ELAVL2: variants seen among roughly 807,000 people sequenced by gnomAD.
ELAVL2 encodes the protein ELAV like RNA binding protein 2, also known as ELAV-like protein 2.
A neutral mutation model predicts 34.6 loss-of-function variants in ELAVL2; 4 were observed. The observed-to-expected ratio is 0.12, with a 90% CI of 0.06 to 0.26. The LOEUF (loss-of-function observed/expected upper bound fraction) is 0.26, where lower values mean the gene tolerates loss of function less well. Among genes scored for constraint, ELAVL2 ranks in the 10% least tolerant of loss-of-function variants. The pLI is 1.00. For synonymous variants in ELAVL2, 193 were observed against 154.8 expected (o/e 1.25, Z -1.83); for missense variants, 432 against 442.8 (o/e 0.98, Z 0.22).
intron 1 of ELAVL2, among the ~76,000 whole-genome samples, chr9:23,784,701 C>G (rs1672540589): frequency 6.6e-6 from 1 of 152,214 alleles, no homozygotes; most frequent in African/African-American, 2.4e-5. Context: ...AACCCAGAGG[C>G]TGGCTCAGTG....
chr9:23,711,294 T>C (rs2040877779), intron 3 of ELAVL2, among the ~76,000 whole-genome samples: 2 of 152,238 alleles, frequency 1.3e-5, no homozygotes, highest in Admixed American at 6.5e-5. Flanking sequence ...CCTTAAATTT[T>C]ATCGTGACTG....
chr9:23,732,820 T>C (rs1296835059), intron 2 of ELAVL2, among the ~76,000 whole-genome samples: 2 of 152,138 alleles, frequency 1.3e-5, no homozygotes, highest in African/African-American at 4.8e-5. Context: ...ACGAGGGTAA[T>C]TCCTACCCAA....
At chr9:23,698,437 T>A (rs1025809638) in intron 5 of ELAVL2, among the ~76,000 whole-genome samples, 1 of 152,218 alleles carries the variant, frequency 6.6e-6, no homozygotes, top group African/African-American at 2.4e-5. Context: ...CATGGATTTT[T>A]AAGCTTTTTG....
At chr9:23,779,013 A>G (rs1344895609) in intron 1 of ELAVL2, among the ~76,000 whole-genome samples, 1 of 152,194 alleles carries the variant, frequency 6.6e-6, no homozygotes, top group Non-Finnish European at 1.5e-5. Flanking sequence ...GAGAAAGAAG[A>G]GGAGGGGCCA....
chr9:23,696,545 T>C (rs1363571891), intron 5 of ELAVL2, among the ~76,000 whole-genome samples: 2 of 152,222 alleles, frequency 1.3e-5, no homozygotes, highest in Admixed American at 6.5e-5. Context: ...CTCGGCTCAC[T>C]GCAAACTCTG....
intron 2 of ELAVL2, among the ~76,000 whole-genome samples, chr9:23,740,619 T>C (rs1236915034): frequency 6.6e-6 from 1 of 151,782 alleles, no homozygotes; most frequent in Non-Finnish European, 1.5e-5. Context: ...CAATTCTTTC[T>C]TAATCCATCC....
intron 5 of ELAVL2, among the ~76,000 whole-genome samples, chr9:23,695,856 C>T (rs1485009747): frequency 2.0e-5 from 3 of 152,104 alleles, no homozygotes; most frequent in Admixed American, 6.5e-5. Context: ...TTAACTGAAA[C>T]GTTATGTGAT....
chr9:23,740,181 T>A (rs58422217), intron 2 of ELAVL2, among the ~76,000 whole-genome samples: 1 of 152,132 alleles, frequency 6.6e-6, no homozygotes, highest in Non-Finnish European at 1.5e-5. Context: ...CCATTCCCAC[T>A]GCCCCATAAA....
intron 1 of ELAVL2, among the ~76,000 whole-genome samples, chr9:23,770,653 T>C (rs1414247787): frequency 1.3e-5 from 2 of 152,164 alleles, no homozygotes; most frequent in African/African-American, 4.8e-5. Context: ...CTCTAGGAGC[T>C]GCAAAAGGCA....
At chr9:23,706,859 A>G (rs976654263) in intron 3 of ELAVL2, among the ~76,000 whole-genome samples, 2 of 152,188 alleles carry the variant, frequency 1.3e-5, no homozygotes, top group African/African-American at 4.8e-5. Flanking sequence ...GGCTTTCCAG[A>G]AAAAAATATA....
Position 23,820,855 on chromosome 9 carries a change from T to C in ELAVL2, c.-16+4951A>G, listed in dbSNP as rs943301348. 2.6e-5 allele frequency among the ~76,000 whole-genome samples: 4 copies of C among 151,976 alleles called. 1 individual carries two copies. Among genetic ancestry groups the C allele is most frequent in the African/African-American group, 9.7e-5 (4 of 41,360 alleles). ...CCTCGCCCGGCAGAGCGCCCGCGCT[T>C]CCCGCGCAGCGCACGCCTCGCGCGC... On this transcript the variant is annotated intron_variant, in intron 1 of 6. Coordinates refer to ENST00000397312, the MANE Select transcript of ELAVL2 (RefSeq NM_004432.5).
At chr9:23,779,330 C>CA in intron 1 of ELAVL2, 2 of 985,426 alleles carry the variant, frequency 2.0e-6, no homozygotes, top group Non-Finnish European at 2.4e-6. Flanking sequence ...GGAACAAAGG[C>CA]AATTCCAGGG....
chr9:23,769,183 T>C (rs1476207291), intron 1 of ELAVL2, among the ~76,000 whole-genome samples: 1 of 152,056 alleles, frequency 6.6e-6, no homozygotes, highest in African/African-American at 2.4e-5. Flanking sequence ...TCTAAAGTTT[T>C]AGAGCCAAAC....
At chr9:23,723,535 G>A (rs2134175460) in intron 3 of ELAVL2, among the ~76,000 whole-genome samples, 1 of 151,478 alleles carries the variant, frequency 6.6e-6, no homozygotes, top group East Asian at 2.0e-4. Flanking sequence ...TGCACATTGT[G>A]CACATGTACC....
At chr9:23,764,431 A>C (rs1235577784) in intron 1 of ELAVL2, among the ~76,000 whole-genome samples, 1 of 152,174 alleles carries the variant, frequency 6.6e-6, no homozygotes, top group African/African-American at 2.4e-5. Context: ...TGTGCGCTGA[A>C]AATTACAGCA....
At chr9:23,769,202 CACAA>C (rs199697912) in intron 1 of ELAVL2, among the ~76,000 whole-genome samples, 3,499 of 152,162 alleles carry the variant, frequency 0.023, 212 homozygotes, top group Admixed American at 0.13. Context: ...ACATACAAAA[CACAA>C]ACAAACAAAC....
intron 3 of ELAVL2, among the ~76,000 whole-genome samples, chr9:23,706,809 T>TTTGAA (rs1259941723): frequency 6.6e-6 from 1 of 152,190 alleles, no homozygotes; most frequent in Non-Finnish European, 1.5e-5. Flanking sequence ...TTCCCCATAA[T>TTTGAA]TTGAATTGTG....
At chr9:23,848,319 T>A in the ELAVL2 span, among the ~76,000 whole-genome samples, 1 of 152,218 alleles carries the variant, frequency 6.6e-6, no homozygotes, top group Non-Finnish European at 1.5e-5. Context: ...TTCTTGCTAA[T>A]ACAAAGACAT....
At chr9:23,702,682 A>G (rs986757042) in intron 4 of ELAVL2, among the ~76,000 whole-genome samples, 1 of 152,000 alleles carries the variant, frequency 6.6e-6, no homozygotes, top group African/African-American at 2.4e-5. Context: ...CATTTTTTCC[A>G]CATATGCGTA....
Sources: gnomAD v4.1 joint callset for allele counts (sites outside exome capture counted in the v4.1 genomes callset) on GRCh38, gnomAD v4.1.1 for gene constraint, MANE v1.5 for transcripts, NCBI Gene and HGNC (gene_info 2026-07-23, HGNC 2026-07-21) for gene names.